The following FRMD4B variants were observed in gnomAD, a reference collection of about 807,000 sequenced individuals.
FRMD4B encodes the protein FERM domain containing 4B.
A neutral mutation model predicts 141.5 loss-of-function variants in FRMD4B; 74 were observed. That is an observed-to-expected ratio of 0.52 (90% CI 0.43 to 0.63). The LOEUF (loss-of-function observed/expected upper bound fraction) is 0.63, where lower values mean the gene tolerates loss of function less well. FRMD4B is among the 30% of genes least tolerant of loss of function. The pLI, the probability that FRMD4B is intolerant of heterozygous loss-of-function variation, is 0.00. For synonymous variants in FRMD4B, 506 were observed against 467.9 expected (o/e 1.08, Z -1.05); for missense variants, 1,366 against 1,253.4 (o/e 1.09, Z -1.36).
Position 69,171,280 on chromosome 3 carries a change from C to T in FRMD4B, c.*581G>A, listed in dbSNP as rs1464449721. On this transcript the variant is annotated 3_prime_UTR_variant, in exon 23 of 23. Coordinates refer to ENST00000398540, the MANE Select transcript of FRMD4B (RefSeq NM_015123.3). ...TGAAAAACATCACTCTTTATAGTATCCTAAAAAACATTTACACTCATTCAG... is the reference window on the plus strand; with the variant it reads ...TGAAAAACATCACTCTTTATAGTATTCTAAAAAACATTTACACTCATTCAG... 2 of 152,254 alleles carry T rather than the reference C, an allele frequency of 1.3e-5. No homozygotes were observed. The highest frequency in any genetic ancestry group is 4.8e-5 in the African/African-American group (2 of 41,420). 9.4% of individuals were successfully genotyped at this position (152,254 alleles called of 1,614,324 possible). A position where few individuals can be genotyped will look rare whatever the true frequency, so the allele number is the denominator to read the frequency against.
intron 3 of FRMD4B, among the ~76,000 whole-genome samples, chr3:69,304,630 C>T (rs933073135): frequency 6.6e-6 from 1 of 152,060 alleles, no homozygotes; most frequent in Non-Finnish European, 1.5e-5. Flanking sequence ...AAACAGTTCT[C>T]TCTAGATTTT....
chr3:69,465,157 A>T (rs1008941678), intron 1 of FRMD4B, among the ~76,000 whole-genome samples: 4 of 152,042 alleles, frequency 2.6e-5, no homozygotes, highest in Non-Finnish European at 5.9e-5. Flanking sequence ...CGTCTCTACT[A>T]AAAATGCAAA....
chr3:69,430,790 C>T (rs1705166025), intron 2 of FRMD4B, among the ~76,000 whole-genome samples: 1 of 152,194 alleles, frequency 6.6e-6, no homozygotes, highest in Non-Finnish European at 1.5e-5. Context: ...CTCTCTTAAA[C>T]CTACTTCAAA....
intron 5 of FRMD4B, among the ~76,000 whole-genome samples, chr3:69,265,430 G>A (rs1391757825): frequency 6.9e-6 from 1 of 145,928 alleles, no homozygotes; most frequent in Non-Finnish European, 1.5e-5. Flanking sequence ...AGATGGCTAG[G>A]TGGCACATTT....
At chr3:69,531,363 A>G (rs1365510559) in intron 1 of FRMD4B, among the ~76,000 whole-genome samples, 1 of 152,102 alleles carries the variant, frequency 6.6e-6, no homozygotes, top group Non-Finnish European at 1.5e-5. Context: ...CCCCAAGTCA[A>G]GAAAAGATGT....
chr3:69,510,547 C>A (rs1284309147), intron 1 of FRMD4B, among the ~76,000 whole-genome samples: 1 of 152,140 alleles, frequency 6.6e-6, no homozygotes, highest in Non-Finnish European at 1.5e-5. Context: ...TTCAAATTCT[C>A]AGTTTTCATG....
At chr3:69,350,473 C>A (rs373608650) in intron 1 of FRMD4B, among the ~76,000 whole-genome samples, 1 of 152,038 alleles carries the variant, frequency 6.6e-6, no homozygotes, top group South Asian at 2.1e-4. Context: ...CCCATTACTG[C>A]GTATATACCC....
At chr3:69,226,522 A>C (rs567982233) in intron 7 of FRMD4B, among the ~76,000 whole-genome samples, 3 of 152,168 alleles carry the variant, frequency 2.0e-5, no homozygotes, top group African/African-American at 7.2e-5. Context: ...GTATTCAAAA[A>C]TGATAAATTC....
intron 12 of FRMD4B, 54 bp downstream of exon 12, chr3:69,198,641 TAGC>T: frequency 1.2e-6 from 1 of 808,082 alleles, no homozygotes; most frequent in African/African-American, 1.7e-5. Flanking sequence ...CAAATGTTGA[TAGC>T]AGCGTTATTT....
At chr3:69,384,632 T>A (rs1704204680) in intron 1 of FRMD4B, among the ~76,000 whole-genome samples, 1 of 152,204 alleles carries the variant, frequency 6.6e-6, no homozygotes, top group Admixed American at 6.5e-5. Flanking sequence ...CCTTTCAGAT[T>A]CCATTTCAAA....
intron 1 of FRMD4B, among the ~76,000 whole-genome samples, chr3:69,496,590 G>T (rs1183753263): frequency 7.4e-6 from 1 of 135,876 alleles, no homozygotes; most frequent in African/African-American, 2.8e-5. Flanking sequence ...AAGAGTACAG[G>T]TGAAAGATGA....
chr3:69,325,085 A>AAAAAAGAAAG (rs1702145477), intron 1 of FRMD4B, among the ~76,000 whole-genome samples: 1 of 79,996 alleles, frequency 1.3e-5, no homozygotes, highest in African/African-American at 4.7e-5. Flanking sequence ...TAAAAAAAAA[A>AAAAAAGAAAG]AAAGAAAGAA....
rs79153430 is a variant in FRMD4B at position 69,458,350 on chromosome 3, C to A, written c.-128-25589G>T. Among the ~76,000 whole-genome samples the A allele has an allele frequency of 3.9e-5, 6 of 152,084 alleles. No individual in the cohort carries two copies. The South Asian group carries it at 1.2e-3, about 32-fold the overall frequency. On this transcript the variant is annotated intron_variant, in intron 1 of 5. Transcript: ENST00000459638. The stretch of plus-strand genomic sequence containing the variant: ...TCACAGAGCATGAGGCATTAAACAA[C>A]GATTATGCAAATCATATTAACAGAA...
intron 19 of FRMD4B, among the ~76,000 whole-genome samples, chr3:69,183,474 ATTTTTTTTTTTTTTT>A (rs771537044): frequency 2.4e-3 from 270 of 113,282 alleles, no homozygotes; most frequent in Non-Finnish European, 4.0e-3. Context: ...TTAGAAGTTA[ATTTTTTTTTTTTTTT>A]TTTTTTTTTT....
intron 11 of FRMD4B, among the ~76,000 whole-genome samples, chr3:69,203,317 C>A (rs4518131): frequency 1.1e-4 from 13 of 118,994 alleles, no homozygotes; most frequent in African/African-American, 1.3e-4. Context: ...TGTCAAACTT[C>A]AGCAAAAAAA....
chr3:69,492,567 T>C (rs1053110096), intron 1 of FRMD4B, among the ~76,000 whole-genome samples: 5 of 152,184 alleles, frequency 3.3e-5, no homozygotes, highest in Non-Finnish European at 7.3e-5. Context: ...CTTGGAGGAA[T>C]TGAGGGACCT....
At chr3:69,325,494 G>A (rs551808820) in intron 1 of FRMD4B, among the ~76,000 whole-genome samples, 1 of 152,350 alleles carries the variant, frequency 6.6e-6, no homozygotes, top group African/African-American at 2.4e-5. Flanking sequence ...TATTAAGCCT[G>A]GAGCTGAAGG....
rs566878510 is a variant in FRMD4B at position 69,495,674 on chromosome 3, G to C, written c.-129+46532C>G. Among the ~76,000 whole-genome samples the C allele has an allele frequency of 1.6e-4, 25 of 152,244 alleles. No homozygotes were observed. In the South Asian group the frequency reaches 5.2e-3, roughly 32 times the overall value. On this transcript the variant is annotated intron_variant, in intron 1 of 5. Transcript: ENST00000459638. ...CATAATTAATGGCACCTCACTCTTA[G>C]GTTGAGTGAGTAAGGATTAAGTGAG... is the stretch of plus-strand genomic sequence containing the variant.
Position 69,211,103 on chromosome 3 carries a change from T to G in FRMD4B, c.876+5160A>C, listed in dbSNP as rs535158981. Among the ~76,000 whole-genome samples the G allele has an allele frequency of 2.6e-5, 4 of 151,796 alleles. No homozygotes were observed. In the South Asian group the frequency reaches 8.3e-4, roughly 32 times the overall value. On this transcript the variant is annotated intron_variant, in intron 11 of 22. Coordinates refer to ENST00000398540, the MANE Select transcript of FRMD4B (RefSeq NM_015123.3). ...GCTGTGGGCTTGTAGCAATGTTGTG[T>G]CCCTCTCTAACCAGTGATCCAAGAA...
Sources: allele counts gnomAD v4.1 joint callset (sites outside exome capture counted in the v4.1 genomes callset), GRCh38; gene constraint gnomAD v4.1.1; transcripts MANE v1.5; gene names NCBI Gene and HGNC (gene_info 2026-07-23, HGNC 2026-07-21).